PHACTR3: variants seen among roughly 807,000 people sequenced by gnomAD.
PHACTR3 encodes protein phosphatase 1, regulatory subunit 123.
PHACTR3 carries 16 observed loss-of-function variants against 66.8 expected under a neutral mutation model. The ratio of observed to expected loss-of-function variants is 0.24; its 90% confidence interval spans 0.16 to 0.36. The LOEUF (loss-of-function observed/expected upper bound fraction) is 0.36. Ranked by LOEUF, PHACTR3 falls within the 10% of genes least tolerant of loss-of-function variation. The pLI, the probability that PHACTR3 is intolerant of heterozygous loss-of-function variation, is 1.00. For synonymous variants in PHACTR3, 323 were observed against 292.1 expected (o/e 1.11, Z -1.08); for missense variants, 647 against 719.9 (o/e 0.90, Z 1.16).
At chr20:59,690,445 C>T (rs2037068684) in intron 1 of PHACTR3, among the ~76,000 whole-genome samples, 1 of 152,208 alleles carries the variant, frequency 6.6e-6, no homozygotes, top group Non-Finnish European at 1.5e-5. Flanking sequence ...TGCTCTCTCT[C>T]TTCCCCTACT....
At chr20:59,677,845 T>C (rs1269879720) in intron 1 of PHACTR3, among the ~76,000 whole-genome samples, 1 of 152,056 alleles carries the variant, frequency 6.6e-6, no homozygotes, top group Non-Finnish European at 1.5e-5. Flanking sequence ...AAATCCATGG[T>C]GAGGTTCATT....
At chr20:59,780,999 C>A (rs1055580528) in intron 7 of PHACTR3, among the ~76,000 whole-genome samples, 1 of 152,178 alleles carries the variant, frequency 6.6e-6, no homozygotes, top group African/African-American at 2.4e-5. Context: ...AACAAGGAAG[C>A]ACTGGGCATC....
intron 5 of PHACTR3, 95 bp from the exon 6 acceptor site, chr20:59,773,184 G>C (rs2146890990): frequency 7.2e-7 from 1 of 1,398,088 alleles, no homozygotes; most frequent in East Asian, 2.3e-5. Flanking sequence ...AGGTGCAGGG[G>C]AGCGTCCTTT....
intron 1 of PHACTR3, among the ~76,000 whole-genome samples, chr20:59,682,054 T>G (rs2036677858): frequency 6.7e-6 from 1 of 150,182 alleles, no homozygotes. Flanking sequence ...TAATCAGGCC[T>G]CTTGGCTGGA....
intron 8 of PHACTR3, among the ~76,000 whole-genome samples, chr20:59,828,355 T>C (rs1160956654): frequency 6.6e-6 from 1 of 152,148 alleles, no homozygotes; most frequent in African/African-American, 2.4e-5. Context: ...GGCACTGTGA[T>C]GGTGATTTTT....
intron 1 of PHACTR3, among the ~76,000 whole-genome samples, chr20:59,707,093 C>A (rs2037734203): frequency 6.6e-6 from 1 of 152,224 alleles, no homozygotes; most frequent in South Asian, 2.1e-4. Flanking sequence ...GTTCACCGAG[C>A]TGAAAAGCTA....
At chr20:59,845,994 C>T (rs1207261625) in intron 12 of PHACTR3, among the ~76,000 whole-genome samples, 2 of 152,150 alleles carry the variant, frequency 1.3e-5, no homozygotes, top group African/African-American at 4.8e-5. Flanking sequence ...TTTCCCCCCA[C>T]TTCTTTTCCA....
At chr20:59,840,273 A>C in intron 9 of PHACTR3, 96 bp from the exon 10 acceptor site, 1 of 1,498,890 alleles carries the variant, frequency 6.7e-7, no homozygotes, top group Admixed American at 2.4e-5. Context: ...GCTCCCAGAA[A>C]TATGGATATC....
At chr20:59,656,675 TA>T (rs2035630100) in intron 1 of PHACTR3, among the ~76,000 whole-genome samples, 5 of 152,100 alleles carry the variant, frequency 3.3e-5, no homozygotes, top group Non-Finnish European at 7.4e-5. Flanking sequence ...TCTACCATTT[TA>T]TTTTTCATTT....
At chr20:59,649,529 T>C (rs1164525616) in intron 1 of PHACTR3, among the ~76,000 whole-genome samples, 1 of 152,230 alleles carries the variant, frequency 6.6e-6, no homozygotes, top group Non-Finnish European at 1.5e-5. Flanking sequence ...GGTTGGAATT[T>C]TATTGAGTAT....
intron 1 of PHACTR3, among the ~76,000 whole-genome samples, chr20:59,610,536 C>T (rs2033815549): frequency 1.3e-5 from 2 of 152,170 alleles, no homozygotes; most frequent in African/African-American, 4.8e-5. Context: ...AATACAGTAG[C>T]CACTAACTAC....
At chr20:59,803,499 G>A (rs1470894137) in intron 7 of PHACTR3, among the ~76,000 whole-genome samples, 1 of 151,842 alleles carries the variant, frequency 6.6e-6, no homozygotes, top group Non-Finnish European at 1.5e-5. Context: ...ATCAATTCTT[G>A]GCTTTTATTT....
chr20:59,846,601 A>G (rs1258330273), intron 12 of PHACTR3, among the ~76,000 whole-genome samples: 1 of 152,170 alleles, frequency 6.6e-6, no homozygotes, highest in Non-Finnish European at 1.5e-5. Context: ...TGTTTAGTAA[A>G]GATGTTTATT....
intron 7 of PHACTR3, among the ~76,000 whole-genome samples, chr20:59,797,473 A>T (rs906197390): frequency 5.3e-5 from 8 of 151,940 alleles, no homozygotes; most frequent in Non-Finnish European, 1.0e-4. Context: ...AATTTTACAG[A>T]TTGGCATATT....
chr20:59,798,401 T>C (rs560759459), intron 7 of PHACTR3, among the ~76,000 whole-genome samples: 46 of 152,346 alleles, frequency 3.0e-4, no homozygotes, highest in African/African-American at 1.1e-3. Context: ...AAAAACTTCC[T>C]TTCACTTTTT....
At chr20:59,844,168 T>A (rs939225542) in intron 11 of PHACTR3, 1 of 151,884 alleles carries the variant, frequency 6.6e-6, no homozygotes, top group Non-Finnish European at 1.5e-5. Flanking sequence ...AATAAAAACA[T>A]GCTGGAAAGG....
chr20:59,836,476 C>T (rs773984324), intron 8 of PHACTR3, 29 bp from the exon 9 acceptor site: 13 of 1,603,072 alleles, frequency 8.1e-6, no homozygotes, highest in Admixed American at 1.7e-5. Context: ...CACTATGGTG[C>T]AAAATGTAAT....
At chr20:59,803,126 C>T (rs1382751907) in intron 7 of PHACTR3, among the ~76,000 whole-genome samples, 2 of 152,102 alleles carry the variant, frequency 1.3e-5, no homozygotes, top group South Asian at 4.1e-4. Flanking sequence ...TCTTTTCCCT[C>T]GGTGGCTGCC....
intron 8 of PHACTR3, among the ~76,000 whole-genome samples, chr20:59,821,811 C>T (rs1026029891): frequency 4.6e-5 from 7 of 151,962 alleles, no homozygotes; most frequent in African/African-American, 1.2e-4. Flanking sequence ...AGAGCACCGC[C>T]GGGGAATTTA....
Sources: allele counts gnomAD v4.1 joint callset (sites outside exome capture counted in the v4.1 genomes callset), GRCh38; gene constraint gnomAD v4.1.1; transcripts MANE v1.5; gene names NCBI Gene and HGNC (gene_info 2026-07-23, HGNC 2026-07-21).